Variants in RARB observed in about 807,000 individuals in gnomAD.
RARB encodes retinoic acid receptor beta.
A neutral mutation model predicts 51.9 loss-of-function variants in RARB; 17 were observed. The ratio of observed to expected loss-of-function variants is 0.33; its 90% confidence interval spans 0.22 to 0.49. RARB has a LOEUF of 0.49. Ranked by LOEUF, RARB falls within the 20% of genes least tolerant of loss-of-function variation. The pLI is 0.99. For synonymous variants in RARB, 215 were observed against 195.4 expected (o/e 1.10, Z -0.84); for missense variants, 369 against 550.8 (o/e 0.67, Z 3.30).
At chr3:25,186,566 G>C (rs561604465) in intron 5 of RARB, among the ~76,000 whole-genome samples, 2 of 151,812 alleles carry the variant, frequency 1.3e-5, no homozygotes, top group Non-Finnish European at 2.9e-5. Flanking sequence ...CAAAATAAGT[G>C]GTATATTCAC....
At chr3:25,289,112 G>C (rs1703723606) in intron 5 of RARB, among the ~76,000 whole-genome samples, 1 of 152,222 alleles carries the variant, frequency 6.6e-6, no homozygotes, top group Non-Finnish European at 1.5e-5. Context: ...TCACGTAGTG[G>C]ATTAGAGCTC....
chr3:25,573,713 G>C (rs1310086229), intron 4 of RARB, among the ~76,000 whole-genome samples: 3 of 152,202 alleles, frequency 2.0e-5, no homozygotes, highest in Non-Finnish European at 4.4e-5. Context: ...TAGACAGGCA[G>C]TTGCTTCCAC....
intron 2 of RARB, among the ~76,000 whole-genome samples, chr3:24,962,765 T>C (rs548757427): frequency 6.6e-6 from 1 of 152,266 alleles, no homozygotes; most frequent in African/African-American, 2.4e-5. Context: ...CAGTCTCTGG[T>C]CCCAAAAAGG....
chr3:25,000,062 G>T (rs1347484376), intron 2 of RARB, among the ~76,000 whole-genome samples: 1 of 152,120 alleles, frequency 6.6e-6, no homozygotes, highest in Non-Finnish European at 1.5e-5. Flanking sequence ...TGGCAACAGA[G>T]CTCCGGCTTC....
At chr3:25,073,040 A>T (rs1015107101) in intron 3 of RARB, among the ~76,000 whole-genome samples, 1 of 152,038 alleles carries the variant, frequency 6.6e-6, no homozygotes, top group African/African-American at 2.4e-5. Flanking sequence ...CTGCCATTTG[A>T]ATATTGTCAT....
intron 1 of RARB, among the ~76,000 whole-genome samples, chr3:25,445,164 G>C (rs186747281): frequency 1.2e-4 from 18 of 152,122 alleles, no homozygotes; most frequent in Admixed American, 1.2e-3. Context: ...TGCCCAGGCT[G>C]CTCTTGAACT....
chr3:25,187,669 T>G (rs1701009251), intron 5 of RARB, among the ~76,000 whole-genome samples: 1 of 152,108 alleles, frequency 6.6e-6, no homozygotes, highest in African/African-American at 2.4e-5. Context: ...TCATTTGTTG[T>G]GACGAGGCAC....
intron 5 of RARB, among the ~76,000 whole-genome samples, chr3:25,332,885 A>G (rs980291836): frequency 5.3e-5 from 8 of 152,054 alleles, no homozygotes; most frequent in African/African-American, 1.7e-4. Context: ...ACCAATAACA[A>G]ACAAACAGAG....
chr3:25,241,276 T>C (rs1348564489), intron 5 of RARB, among the ~76,000 whole-genome samples: 4 of 152,210 alleles, frequency 2.6e-5, no homozygotes, highest in African/African-American at 7.2e-5. Flanking sequence ...ATACTTGTTA[T>C]GATTTTGATT....
At chr3:25,054,468 A>T (rs571783882) in intron 2 of RARB, among the ~76,000 whole-genome samples, 2 of 152,192 alleles carry the variant, frequency 1.3e-5, no homozygotes, top group South Asian at 4.2e-4. Flanking sequence ...AGCTGTGGAG[A>T]TGGTGGTGTT....
intron 2 of RARB, among the ~76,000 whole-genome samples, chr3:24,949,785 G>C (rs1000325656): frequency 1.3e-5 from 2 of 152,138 alleles, no homozygotes; most frequent in Non-Finnish European, 2.9e-5. Context: ...CCAAAAGCTA[G>C]TTTATCAGTT....
intron 5 of RARB, among the ~76,000 whole-genome samples, chr3:25,421,403 CTTTTTTTTTT>C (rs766378555): frequency 6.9e-5 from 5 of 72,364 alleles, no homozygotes; most frequent in South Asian, 9.0e-4. Context: ...TTCTTCTTTT[CTTTTTTTTTT>C]TTTTTTTTTT....
chr3:25,035,187 T>A (rs1441100568), intron 2 of RARB, among the ~76,000 whole-genome samples: 1 of 152,146 alleles, frequency 6.6e-6, no homozygotes, highest in East Asian at 1.9e-4. Context: ...AGTGACACCA[T>A]CTTGGCTCAC....
chr3:25,128,432 ATTAT>A (rs1699894519), intron 3 of RARB, among the ~76,000 whole-genome samples: 1 of 147,078 alleles, frequency 6.8e-6, no homozygotes, highest in African/African-American at 2.5e-5. Context: ...TATTTTATAA[ATTAT>A]TCATATAATT....
intron 5 of RARB, among the ~76,000 whole-genome samples, chr3:25,419,143 A>G (rs757735765): frequency 9.9e-5 from 15 of 151,974 alleles, no homozygotes; most frequent in Non-Finnish European, 2.1e-4. Flanking sequence ...GGAATTTAGC[A>G]AGGCCTATCT....
chr3:25,399,737 T>C (rs1707214411), intron 5 of RARB, among the ~76,000 whole-genome samples: 1 of 152,076 alleles, frequency 6.6e-6, no homozygotes, highest in South Asian at 2.1e-4. Flanking sequence ...TAAAACCAAC[T>C]AAAAGTGGGA....
At chr3:25,357,062 T>C (rs142238751) in intron 5 of RARB, among the ~76,000 whole-genome samples, 3 of 152,356 alleles carry the variant, frequency 2.0e-5, no homozygotes, top group Admixed American at 6.5e-5. Context: ...ATGGTATTTC[T>C]AGTTCTAGAT....
chr3:25,581,087 C>G (rs923503403), intron 5 of RARB, among the ~76,000 whole-genome samples: 2 of 152,102 alleles, frequency 1.3e-5, no homozygotes, highest in Non-Finnish European at 2.9e-5. Context: ...GTAATCATTG[C>G]CACTCTTCCT....
chr3:25,081,457 T>G lies in RARB; in HGVS notation c.-328+21281T>G, dbSNP rs1379054856. ...ATTGATTGATAGTGCTGTTCAAATA[T>G]TCTACATCATTACTGATTTTTGTTT... On this transcript the variant is annotated intron_variant, in intron 3 of 11. Transcript: ENST00000383772. Among the ~76,000 whole-genome samples, 9 of 150,180 alleles carry G rather than the reference T, an allele frequency of 6.0e-5. No homozygotes were observed. The Admixed American group carries it at 6.0e-4, about 10-fold the overall frequency.
Sources: gnomAD v4.1 joint callset for allele counts (sites outside exome capture counted in the v4.1 genomes callset) on GRCh38, gnomAD v4.1.1 for gene constraint, MANE v1.5 for transcripts, NCBI Gene and HGNC (gene_info 2026-07-23, HGNC 2026-07-21) for gene names.